Variants in HELQ observed in about 807,000 individuals in gnomAD.
The protein encoded by HELQ is helicase, POLQ like.
A neutral mutation model predicts 111.6 loss-of-function variants in HELQ; 77 were observed. The observed-to-expected ratio is 0.69, with a 90% CI of 0.57 to 0.83. The LOEUF (loss-of-function observed/expected upper bound fraction) is 0.83, where lower values mean the gene tolerates loss of function less well. HELQ is among the 40% of genes least tolerant of loss of function. The pLI, the probability that HELQ is intolerant of heterozygous loss-of-function variation, is 0.00. For missense variants in HELQ, 1,200 were observed against 1,288.5 expected (o/e 0.93, Z 1.05); for synonymous variants, 438 against 454.7 (o/e 0.96, Z 0.47).
intron 15 of HELQ, among the ~76,000 whole-genome samples, chr4:83,418,684 T>C (rs1739490592): frequency 6.6e-6 from 1 of 152,244 alleles, no homozygotes; most frequent in South Asian, 2.1e-4. Flanking sequence ...TATAATATTT[T>C]GTCATAGATA....
intron 14 of HELQ, among the ~76,000 whole-genome samples, chr4:83,425,706 C>T (rs535177129): frequency 3.3e-5 from 5 of 152,196 alleles, no homozygotes; most frequent in East Asian, 1.9e-4. Context: ...TGTATTTCCT[C>T]GTTTGAATTG....
At chr4:83,436,060 C>T (rs1242134699) in intron 9 of HELQ, among the ~76,000 whole-genome samples, 3 of 151,404 alleles carry the variant, frequency 2.0e-5, no homozygotes, top group South Asian at 2.1e-4. Flanking sequence ...AGGTATAATT[C>T]GGCAATAAGA....
intron 8 of HELQ, among the ~76,000 whole-genome samples, chr4:83,439,168 A>G (rs187363528): frequency 1.0e-3 from 159 of 151,926 alleles, no homozygotes; most frequent in African/African-American, 3.6e-3. Flanking sequence ...CCCAGGTTCA[A>G]GTGATTCTCC....
In HELQ at chr4:83,426,080, T is replaced by C. The variant is rs1007049118; in HGVS notation, c.2689A>G (p.Ser897Gly). Residue 897 changes from serine (S) to glycine (G), a missense_variant, in exon 14 of 18, where the codon AGT (serine) becomes GGT (glycine). By Grantham distance (56) the Ser-to-Gly change is moderately conservative. Coordinates refer to ENST00000295488, the MANE Select transcript of HELQ (RefSeq NM_133636.5). ...MIYFRQFSQLSPAEQNVAAIL... is the reference protein window; with the variant it reads ...MIYFRQFSQLGPAEQNVAAIL... ...GCAGCTACATTTTGTTCTGCTGGAC[T>C]GAGTTGGCTAAACTACATGGAAAAA... 2.0e-5 allele frequency: 32 copies of C among 1,597,082 alleles called. No homozygotes were observed. Among genetic ancestry groups the C allele is most frequent in the Non-Finnish European group, 2.6e-5 (30 of 1,166,548 alleles).
Position 83,439,687 on chromosome 4 carries a change from C to T in HELQ, c.1808+176G>A, listed in dbSNP as rs537733924. 3.9e-4 allele frequency among the ~76,000 whole-genome samples: 60 copies of T among 152,330 alleles called. No homozygotes were observed. In the Middle Eastern group the frequency reaches 0.014, roughly 35 times the overall value. On this transcript the variant is annotated intron_variant, in intron 8 of 17. Coordinates refer to ENST00000295488, the MANE Select transcript of HELQ (RefSeq NM_133636.5). The stretch of plus-strand genomic sequence containing the variant: ...CCTTAGAATGTTTCTCTGGCTATTT[C>T]ACATGTGATTTTTCACAGTTAAAAT...
chr4:83,448,424 C>T (rs1003930518), intron 3 of HELQ, among the ~76,000 whole-genome samples: 1 of 152,044 alleles, frequency 6.6e-6, no homozygotes, highest in Non-Finnish European at 1.5e-5. Context: ...AATACCAGCA[C>T]TTTGGGAGGC....
chr4:83,438,066 A>G (rs1261373548), intron 8 of HELQ, among the ~76,000 whole-genome samples: 1 of 152,174 alleles, frequency 6.6e-6, no homozygotes, highest in Non-Finnish European at 1.5e-5. Context: ...TGTTACCAAA[A>G]TGAGCAACTC....
At chr4:83,433,435 A>AG (rs916341582) in intron 9 of HELQ, among the ~76,000 whole-genome samples, 7 of 152,110 alleles carry the variant, frequency 4.6e-5, no homozygotes, top group East Asian at 1.9e-4. Flanking sequence ...TGAGAGGCTG[A>AG]GGGGGGCGGA....
In HELQ at chr4:83,453,910, A is replaced by G. The variant is rs770453079; in HGVS notation, c.333T>C (p.Tyr111=). The change falls in exon 2 of 18, where the codon TAT becomes TAC. Residue 111 remains tyrosine (Y), a synonymous_variant. Transcript: ENST00000295488. ...TAAAGGAGTTTTCAGTAAAGCTATC[A>G]TAGTCACCAAACATGTCCACTTCAC... ...NDSEVDMFGD[Y]DSFTENSFIA... is the part of the protein sequence containing the mutation. 6.2e-7 allele frequency: 1 copy of G among 1,613,324 alleles called. No homozygotes were observed. The highest frequency in any genetic ancestry group is 1.3e-5 in the African/African-American group (1 of 74,998).
chr4:83,445,210 T>C (rs1398006276), intron 5 of HELQ, among the ~76,000 whole-genome samples: 1 of 152,134 alleles, frequency 6.6e-6, no homozygotes, highest in Non-Finnish European at 1.5e-5. Context: ...GGCTTAGCTG[T>C]TCAGAGAATA....
intron 3 of HELQ, among the ~76,000 whole-genome samples, chr4:83,448,193 G>A (rs1721154630): frequency 6.6e-6 from 1 of 152,176 alleles, no homozygotes; most frequent in Non-Finnish European, 1.5e-5. Context: ...CTGGGCGACA[G>A]AGGGAGACTA....
At position 83,426,000 on chromosome 4, in the gene HELQ, G is replaced by A. The variant is rs1719828566; in HGVS notation, c.2769C>T (p.Ile923=). The A allele has an allele frequency of 2.5e-6, 4 of 1,568,642 alleles. No homozygotes were observed. Among genetic ancestry groups the A allele is most frequent in the East Asian group, 2.2e-5 (1 of 44,528 alleles). The change falls in exon 14 of 18, where the codon ATC becomes ATT. Residue 923 remains isoleucine (I), a synonymous_variant. Coordinates refer to ENST00000295488, the MANE Select transcript of HELQ (RefSeq NM_133636.5). ...GAAAAAAAGAATGTGGTACCTTTCCGATGGCTTGGCCTGATGCTTTCTTCC... is the reference window on the plus strand; with the variant it reads ...GAAAAAAAGAATGTGGTACCTTTCCAATGGCTTGGCCTGATGCTTTCTTCC... ...FIGKKASGQA[I]GKKVDKNVVN...
At chr4:83,447,118 C>T (rs1488841558) in intron 3 of HELQ, 83 bp from the exon 4 acceptor site, 13 of 809,320 alleles carry the variant, frequency 1.6e-5, no homozygotes, top group Middle Eastern at 6.9e-4. Context: ...GAGGCTGAGG[C>T]GGGAAGATCA....
At position 83,439,755 on chromosome 4, in the gene HELQ, T is replaced by C. The variant is rs1379386282; in HGVS notation, c.1808+108A>G. The C allele has an allele frequency of 6.9e-5, 51 of 739,226 alleles. No homozygotes were observed. The East Asian group carries it at 1.4e-3, about 21-fold the overall frequency. 45.8% of individuals were successfully genotyped at this position (739,226 alleles called of 1,614,324 possible). ...AGGCCTTCAGTATACTAAAACAACT[T>C]AATATGATGTTTTGCAAGGCATAAT... On this transcript the variant is annotated intron_variant, in intron 8 of 17. Coordinates refer to ENST00000295488, the MANE Select transcript of HELQ (RefSeq NM_133636.5).
At chr4:83,441,769 T>C (rs1720768781) in intron 6 of HELQ, among the ~76,000 whole-genome samples, 2 of 145,006 alleles carry the variant, frequency 1.4e-5, no homozygotes, top group South Asian at 2.2e-4. Flanking sequence ...TAAAACTTTG[T>C]CTTTTTTTTT....
Position 83,448,685 on chromosome 4 carries a change from G to A in HELQ, c.1191+98C>T, listed in dbSNP as rs201579705. 4.5e-4 allele frequency: 323 copies of A among 710,200 alleles called. 1 individual carries two copies. Among genetic ancestry groups the A allele is most frequent in the African/African-American group, 3.0e-3 (123 of 41,552 alleles). 44.0% of individuals were successfully genotyped at this position (710,200 alleles called of 1,614,324 possible). On this transcript the variant is annotated intron_variant, in intron 3 of 17. Transcript: ENST00000295488. ...ACTCCATCTCAAAAAAAAAAAAAAAGAGGTACTTCTCAACAATACAAAGTT... is the reference window on the plus strand; with the variant it reads ...ACTCCATCTCAAAAAAAAAAAAAAAAAGGTACTTCTCAACAATACAAAGTT...
intron 6 of HELQ, among the ~76,000 whole-genome samples, chr4:83,442,394 A>G (rs1720813957): frequency 6.6e-6 from 1 of 150,598 alleles, no homozygotes; most frequent in Non-Finnish European, 1.5e-5. Context: ...CACCCTCTCA[A>G]GTAGCTGGGA....
In HELQ at chr4:83,416,612, T is replaced by C. The variant is rs1739371696; in HGVS notation, c.3198+119A>G. ...TTACTCACAAATAAGAGTATGTACT[T>C]TTGTATCTATAGAAATAAACAGTTA... On this transcript the variant is annotated intron_variant, in intron 17 of 17. Transcript: ENST00000295488. 10 of 1,020,624 alleles carry C rather than the reference T, an allele frequency of 9.8e-6. No homozygotes were observed. In the South Asian group the frequency reaches 1.5e-4, roughly 15 times the overall value. The allele number at this position is 1,020,624 out of a possible 1,614,324, so 63.2% of individuals were successfully genotyped here.
intron 2 of HELQ, among the ~76,000 whole-genome samples, chr4:83,452,716 G>C (rs767072629): frequency 1.3e-5 from 2 of 152,220 alleles, no homozygotes; most frequent in African/African-American, 2.4e-5. Context: ...GAAGGGTGTA[G>C]TCAATAGCAT....
Sources: allele counts gnomAD v4.1 joint callset (sites outside exome capture counted in the v4.1 genomes callset), GRCh38; gene constraint gnomAD v4.1.1; transcripts MANE v1.5; gene names NCBI Gene and HGNC (gene_info 2026-07-23, HGNC 2026-07-21).